The following CIITA variants were observed in gnomAD, a reference collection of about 807,000 sequenced individuals.
CIITA encodes the protein class II major histocompatibility complex transactivator.
A neutral mutation model predicts 115.1 loss-of-function variants in CIITA; 72 were observed. The ratio of observed to expected loss-of-function variants is 0.63; its 90% CI spans 0.52 to 0.76. The LOEUF (loss-of-function observed/expected upper bound fraction) is 0.76. CIITA is among the 30% of genes least tolerant of loss of function. The pLI is 0.00. For missense variants in CIITA, 1,617 were observed against 1,463.8 expected, an observed-to-expected ratio of 1.10 and a Z score of -1.71; for synonymous variants, 763 against 635.6, an observed-to-expected ratio of 1.20 and a Z score of -3.02.
intron 1 of CIITA, among the ~76,000 whole-genome samples, chr16:10,882,684 G>A (rs1265717116): frequency 6.6e-6 from 1 of 152,184 alleles, no homozygotes; most frequent in Non-Finnish European, 1.5e-5. Context: ...GATCACCTGG[G>A]ATCAGGAGTT....
In CIITA at chr16:10,923,065, C is replaced by T. The variant is rs1280867260; in HGVS notation, c.3318-163C>T. ...ATAAAGGAATCTCGGGCCTCCTAGGCTTCTCCTTTTCCCCATGACCCACAC... is the reference window on the plus strand; with the variant it reads ...ATAAAGGAATCTCGGGCCTCCTAGGTTTCTCCTTTTCCCCATGACCCACAC... On this transcript the variant is annotated intron_variant, in intron 18 of 19. Transcript: ENST00000324288. This position sits in a 1 kb window ranked among gnomAD's most constrained non-coding sequence, Gnocchi z 5.2. 5.8e-6 allele frequency: 4 copies of T among 686,758 alleles called. No homozygotes were observed. The African/African-American group carries it at 7.0e-5, about 12-fold the overall frequency. 42.5% of individuals were successfully genotyped at this position (686,758 alleles called of 1,614,324 possible). A position where few individuals can be genotyped will look rare whatever the true frequency, so the allele number is the denominator to read the frequency against.
intron 1 of CIITA, among the ~76,000 whole-genome samples, chr16:10,880,733 G>C (rs948435926): frequency 6.6e-6 from 1 of 152,196 alleles, no homozygotes; most frequent in Admixed American, 6.5e-5. Context: ...GGAAACTCTG[G>C]ATTAGTTCCA....
At chr16:10,877,534 G>C in intron 1 of CIITA, 152 bp downstream of exon 1, 2 of 870,820 alleles carry the variant, frequency 2.3e-6, no homozygotes, top group Non-Finnish European at 3.8e-6. Context: ...TGGAAGATGT[G>C]AAAGAGTTGT....
rs2040403598 is a variant in CIITA, at chr16:10,923,765, C to G, written c.*23-113C>G. On this transcript the variant is annotated intron_variant, in intron 19 of 19. Transcript: ENST00000324288. This position sits in a 1 kb window ranked among gnomAD's most constrained non-coding sequence, Gnocchi z 5.2. ...CCCGCACTGTGCTGCACGTCCACCTCCATTCCACTGCCCCTCCCATCCCCC... is the reference window on the plus strand; with the variant it reads ...CCCGCACTGTGCTGCACGTCCACCTGCATTCCACTGCCCCTCCCATCCCCC... 2 of 177,812 alleles carry G rather than the reference C, an allele frequency of 1.1e-5. No individual in the cohort carries two copies. The highest frequency in any genetic ancestry group is 5.9e-5 in the Admixed American group (1 of 17,004). 11.0% of individuals were successfully genotyped at this position (177,812 alleles called of 1,614,324 possible).
At chr16:10,902,541 G>T in intron 7 of CIITA, 117 bp from the exon 8 acceptor site, 2 of 1,290,334 alleles carry the variant, frequency 1.5e-6, no homozygotes, top group East Asian at 4.8e-5. Context: ...AACAGCTACT[G>T]CTCTTAGGGA....
Position 10,942,124 on chromosome 16 carries a change from C to T in CIITA, n.1250C>T, listed in dbSNP as rs973393613. 1.4e-5 allele frequency: 10 copies of T among 717,998 alleles called. No individual in the cohort carries two copies. Among genetic ancestry groups the T allele is most frequent in the African/African-American group, 1.9e-5 (1 of 52,666 alleles). 44.5% of individuals were successfully genotyped at this position (717,998 alleles called of 1,614,324 possible). A position where few individuals can be genotyped will look rare whatever the true frequency, so the allele number is the denominator to read the frequency against. ...GGGGTACCCTGGAGCCCGACAGAAG[C>T]AGGGCCGGGCTCCAGATGTCCCCTG... On this transcript the variant is annotated non_coding_transcript_exon_variant, in exon 2 of 2. Coordinates refer to the CIITA transcript ENST00000573379. This position sits in a 1 kb window ranked among gnomAD's most constrained non-coding sequence, Gnocchi z 5.0.
chr16:10,901,463 G>C lies in CIITA; in HGVS notation c.437-51G>C. 6.2e-7 allele frequency: 1 copy of C among 1,606,568 alleles called. No homozygotes were observed. The highest frequency in any genetic ancestry group is 8.5e-7 in the Non-Finnish European group (1 of 1,173,424). On this transcript the variant is annotated intron_variant, in intron 5 of 19. Transcript: ENST00000324288. This position sits in a 1 kb window ranked among gnomAD's most constrained non-coding sequence, Gnocchi z 6.8. ...CCTGCTAGAGTCCTGAGCCCCTTCT[G>C]GCTTGGGACATCCTCTCCCTGGGGC...
In CIITA at chr16:10,923,651, C is replaced by T. The variant is rs905543284; in HGVS notation, c.*23-227C>T. ...GCTGCTGTTTCGGCTTGGTGGCTGCCCTGATGCTCCGGGTTTGTCTCAGAT... is the reference window on the plus strand; with the variant it reads ...GCTGCTGTTTCGGCTTGGTGGCTGCTCTGATGCTCCGGGTTTGTCTCAGAT... On this transcript the variant is annotated intron_variant, in intron 19 of 19. Coordinates refer to ENST00000324288, the MANE Select transcript of CIITA (RefSeq NM_000246.4). This position sits in a 1 kb window ranked among gnomAD's most constrained non-coding sequence, Gnocchi z 5.2. Among the ~76,000 whole-genome samples the T allele has an allele frequency of 4.6e-5, 7 of 152,106 alleles. No individual in the cohort carries two copies. The highest frequency in any genetic ancestry group is 1.4e-4 in the African/African-American group (6 of 41,408).
At chr16:10,894,004 A>C (rs1360278356) in intron 1 of CIITA, among the ~76,000 whole-genome samples, 4 of 151,640 alleles carry the variant, frequency 2.6e-5, no homozygotes, top group Non-Finnish European at 5.9e-5. Context: ...GGCAACCACT[A>C]ATATGCTTTC....
At chr16:10,886,652 A>G (rs371054791) in intron 1 of CIITA, among the ~76,000 whole-genome samples, 2 of 152,374 alleles carry the variant, frequency 1.3e-5, no homozygotes, top group East Asian at 1.9e-4. Flanking sequence ...CCAGTTGTAC[A>G]GTATCAAGTG....
rs2035455617 is a variant in CIITA at position 10,871,129 on chromosome 16, C to A, written c.-21+4810C>A. ...CTTTGAGCACTTCCCGGGCGCCCCG[C>A]CTCAGTTTCCCCATCTATAAAGTGG... On this transcript the variant is annotated intron_variant, in intron 1 of 5. Coordinates refer to the CIITA transcript ENST00000636238. 2.0e-5 allele frequency among the ~76,000 whole-genome samples: 3 copies of A among 152,370 alleles called. No homozygotes were observed. In the South Asian group the frequency reaches 6.2e-4, roughly 32 times the overall value.
Position 10,923,464 on chromosome 16 carries a change from T to G in CIITA, c.*22+139T>G. ...TTGGACGCATGCGTCATCAGAGACATCCCCTCATCTCCACCCTGGGCTCGG... is the reference window on the plus strand; with the variant it reads ...TTGGACGCATGCGTCATCAGAGACAGCCCCTCATCTCCACCCTGGGCTCGG... On this transcript the variant is annotated intron_variant, in intron 19 of 19. Coordinates refer to ENST00000324288, the MANE Select transcript of CIITA (RefSeq NM_000246.4). This position sits in a 1 kb window ranked among gnomAD's most constrained non-coding sequence, Gnocchi z 5.2. 1.5e-6 allele frequency: 1 copy of G among 676,006 alleles called. No individual in the cohort carries two copies. Among genetic ancestry groups the G allele is most frequent in the Non-Finnish European group, 2.7e-6 (1 of 376,280 alleles). The allele number at this position is 676,006 out of a possible 1,614,324, so 41.9% of individuals were successfully genotyped here. A position where few individuals can be genotyped will look rare whatever the true frequency, so the allele number is the denominator to read the frequency against.
At chr16:10,916,689 C>T (rs1006405271) in intron 15 of CIITA, 2 of 564,102 alleles carry the variant, frequency 3.5e-6, no homozygotes, top group Admixed American at 2.8e-5. Flanking sequence ...CCATGCCCAG[C>T]CCCAGTGGAT....
rs1415826636 is a variant in CIITA at position 10,928,904 on chromosome 16, C to T, written c.*5049C>T. Reference sequence around the variant, plus strand: ...GGGCCCCAGGGGTTGGAGTTGCATACATTTTTTTTTAATCCAAAGAAGTAA... The same window carrying T: ...GGGCCCCAGGGGTTGGAGTTGCATATATTTTTTTTTAATCCAAAGAAGTAA... On this transcript the variant is annotated 3_prime_UTR_variant, in exon 20 of 20. Coordinates refer to ENST00000324288, the MANE Select transcript of CIITA (RefSeq NM_000246.4). 6.6e-6 allele frequency: 1 copy of T among 152,646 alleles called. No individual in the cohort carries two copies. The highest frequency in any genetic ancestry group is 2.1e-4 in the South Asian group (1 of 4,822). 9.5% of individuals were successfully genotyped at this position (152,646 alleles called of 1,614,324 possible).
rs2040764814 is a variant in CIITA, at chr16:10,931,023, G to A, written c.*7168G>A. On this transcript the variant is annotated 3_prime_UTR_variant, in exon 20 of 20. Transcript: ENST00000324288. ...CCCATCTCAGATTTGTGTGGATAGG[G>A]TGTTAGAGAACATGGAATCAGCTGG... is the stretch of plus-strand genomic sequence containing the variant. 1 of 152,380 alleles carries A rather than the reference G, an allele frequency of 6.6e-6. No homozygotes were observed. Among genetic ancestry groups the A allele is most frequent in the East Asian group, 1.9e-4 (1 of 5,204 alleles). The allele number at this position is 152,380 out of a possible 1,614,324, so 9.4% of individuals were successfully genotyped here.
Position 10,901,887 on chromosome 16 carries a change from CA to C in CIITA, c.482-150del. On this transcript the variant is annotated intron_variant, in intron 6 of 19. Transcript: ENST00000324288. The surrounding 1 kb of genome is among the most constrained non-coding windows in gnomAD (Gnocchi z 6.8). ...GACTGGGGGACTGCCTGGCACAGAG[CA>C]GTTGCTGATCAACACAGCTGCAGCC... 1 of 1,108,336 alleles carries C rather than the reference CA, an allele frequency of 9.0e-7. No homozygotes were observed. The highest frequency in any genetic ancestry group is 2.3e-5 in the East Asian group (1 of 42,658). The allele number at this position is 1,108,336 out of a possible 1,614,324, so 68.7% of individuals were successfully genotyped here. A position where few individuals can be genotyped will look rare whatever the true frequency, so the allele number is the denominator to read the frequency against.
At position 10,923,917 on chromosome 16, in the gene CIITA, T is replaced by G. The variant is rs2040412878; in HGVS notation, c.*62T>G. On this transcript the variant is annotated 3_prime_UTR_variant, in exon 20 of 20. Coordinates refer to ENST00000324288, the MANE Select transcript of CIITA (RefSeq NM_000246.4). The surrounding 1 kb of genome is among the most constrained non-coding windows in gnomAD (Gnocchi z 5.2). The stretch of plus-strand genomic sequence containing the variant: ...ACACTAACCACGCTGGACCTTGAAC[T>G]GGGTACTTGTGGACACAGCTCTTCT... 6.5e-6 allele frequency: 1 copy of G among 154,404 alleles called. No homozygotes were observed. Among genetic ancestry groups the G allele is most frequent in the Non-Finnish European group, 1.4e-5 (1 of 69,254 alleles). 9.6% of individuals were successfully genotyped at this position (154,404 alleles called of 1,614,324 possible).
At chr16:10,892,190 G>C (rs1216590087) in intron 1 of CIITA, among the ~76,000 whole-genome samples, 1 of 152,134 alleles carries the variant, frequency 6.6e-6, no homozygotes, top group African/African-American at 2.4e-5. Context: ...CAGGCATGGT[G>C]GCGGGTGCCT....
Position 10,901,940 on chromosome 16 carries a change from C to G in CIITA, c.482-98C>G. 2.0e-6 allele frequency: 3 copies of G among 1,503,242 alleles called. No individual in the cohort carries two copies. The highest frequency in any genetic ancestry group is 2.8e-6 in the Non-Finnish European group (3 of 1,089,088). 93.1% of individuals were successfully genotyped at this position (1,503,242 alleles called of 1,614,324 possible). On this transcript the variant is annotated intron_variant, in intron 6 of 19. Coordinates refer to ENST00000324288, the MANE Select transcript of CIITA (RefSeq NM_000246.4). The surrounding 1 kb of genome is among the most constrained non-coding windows in gnomAD (Gnocchi z 6.8). The stretch of plus-strand genomic sequence containing the variant: ...GGGCTGAGAAGATGACAAGCATTTC[C>G]TCTGTCAGGAGAGACATCCATGCCA...
Sources: allele counts gnomAD v4.1 joint callset (sites outside exome capture counted in the v4.1 genomes callset), GRCh38; gene constraint gnomAD v4.1.1; non-coding constraint Gnocchi (gnomAD v3.1); transcripts MANE v1.5; gene names NCBI Gene and HGNC (gene_info 2026-07-23, HGNC 2026-07-21).